The following FOXN3 variants were observed in gnomAD, a reference collection of about 807,000 sequenced individuals.
FOXN3 encodes the protein forkhead box protein N3.
A neutral mutation model predicts 38.4 loss-of-function variants in FOXN3; 7 were observed. The observed-to-expected ratio is 0.18, with a 90% confidence interval of 0.10 to 0.34. FOXN3 has a LOEUF of 0.34. FOXN3 is among the 10% of genes least tolerant of loss of function. The pLI is 1.00. For synonymous variants in FOXN3, 230 were observed against 242.2 expected (o/e 0.95, Z 0.47); for missense variants, 456 against 613.4 (o/e 0.74, Z 2.71).
chr14:89,592,636 C>T (rs546751749), intron 1 of FOXN3, among the ~76,000 whole-genome samples: 18 of 152,266 alleles, frequency 1.2e-4, no homozygotes, highest in African/African-American at 4.1e-4. Context: ...ATATACCTAA[C>T]CAAACGACTG....
intron 1 of FOXN3, among the ~76,000 whole-genome samples, chr14:89,594,964 C>G (rs1324197883): frequency 6.6e-6 from 1 of 152,060 alleles, no homozygotes; most frequent in East Asian, 1.9e-4. Context: ...CCTCAGGATT[C>G]TGATTGGGAT....
chr14:89,250,527 A>C lies in FOXN3; in HGVS notation c.745+30423T>G, dbSNP rs144575484. 1.4e-4 allele frequency among the ~76,000 whole-genome samples: 22 copies of C among 152,380 alleles called. No homozygotes were observed. In the East Asian group the frequency reaches 4.2e-3, roughly 29 times the overall value. ...GCAAAAACACCTGTTGGTTATAAAGAAAAGCAGCCTTTGATGTCTCCCAGA... is the reference window on the plus strand; with the variant it reads ...GCAAAAACACCTGTTGGTTATAAAGCAAAGCAGCCTTTGATGTCTCCCAGA... On this transcript the variant is annotated intron_variant, in intron 4 of 5. Transcript: ENST00000557258.
chr14:89,294,528 C>A (rs1886978211), intron 3 of FOXN3, among the ~76,000 whole-genome samples: 1 of 152,112 alleles, frequency 6.6e-6, no homozygotes, highest in Non-Finnish European at 1.5e-5. Context: ...GGCTGCCTAC[C>A]CAGATGGTGA....
At chr14:89,396,832 CAAA>C (rs11307508) in intron 2 of FOXN3, among the ~76,000 whole-genome samples, 1 of 96,938 alleles carries the variant, frequency 1.0e-5, no homozygotes. Context: ...AACTCCATCT[CAAA>C]AAAAAAAAAA....
intron 4 of FOXN3, among the ~76,000 whole-genome samples, chr14:89,212,829 G>A (rs1034330124): frequency 6.6e-6 from 1 of 152,182 alleles, no homozygotes. Flanking sequence ...TTTGCCTCCA[G>A]GAGGGCTCTG....
chr14:89,258,491 T>C (rs1306219411), intron 4 of FOXN3, among the ~76,000 whole-genome samples: 5 of 152,194 alleles, frequency 3.3e-5, no homozygotes, highest in Non-Finnish European at 7.3e-5. Context: ...TGCAGGTATG[T>C]GCCAAGCTCC....
At chr14:89,218,425 C>A (rs1351247273) in intron 4 of FOXN3, among the ~76,000 whole-genome samples, 4 of 152,210 alleles carry the variant, frequency 2.6e-5, no homozygotes, top group African/African-American at 9.7e-5. Context: ...AACCTTACAA[C>A]CTTGGTGTGC....
rs142236162 is a variant in FOXN3, at chr14:89,581,436, C to G, written c.-15+37592G>C. ...GGCAGAGGTTGCAGTGAGCCAAGAT[C>G]GTGCCATTGCAGTCTAGCTTGGGCG... On this transcript the variant is annotated intron_variant, in intron 1 of 6. Transcript: ENST00000345097. Among the ~76,000 whole-genome samples, 719 of 151,190 alleles carry G rather than the reference C, an allele frequency of 4.8e-3. 7 individuals are homozygous for G. Among genetic ancestry groups the G allele is most frequent in the African/African-American group, 0.017 (699 of 41,228 alleles).
intron 1 of FOXN3, among the ~76,000 whole-genome samples, chr14:89,609,036 T>C (rs1176381875): frequency 1.1e-4 from 16 of 152,062 alleles, no homozygotes; most frequent in Non-Finnish European, 5.9e-5. Context: ...GAACAAGATG[T>C]ACAAAGGCTG....
chr14:89,462,771 G>T (rs1465034276), intron 1 of FOXN3, among the ~76,000 whole-genome samples: 1 of 150,652 alleles, frequency 6.6e-6, no homozygotes, highest in South Asian at 2.1e-4. Flanking sequence ...TGCAACCTCT[G>T]CCTCCTGGGT....
At chr14:89,247,883 T>C (rs1885342268) in intron 4 of FOXN3, among the ~76,000 whole-genome samples, 1 of 152,226 alleles carries the variant, frequency 6.6e-6, no homozygotes, top group African/African-American at 2.4e-5. Flanking sequence ...CTACCACTGT[T>C]TGTCTTGCTC....
At chr14:89,309,417 C>A (rs2139957018) in intron 3 of FOXN3, among the ~76,000 whole-genome samples, 1 of 152,266 alleles carries the variant, frequency 6.6e-6, no homozygotes, top group South Asian at 2.1e-4. Context: ...ACCGCTGTTT[C>A]CATGACACGG....
chr14:89,306,267 A>G (rs934260766), intron 3 of FOXN3, among the ~76,000 whole-genome samples: 6 of 151,834 alleles, frequency 4.0e-5, no homozygotes, highest in Non-Finnish European at 8.8e-5. Flanking sequence ...CTTCATCCCC[A>G]AGAGGGGAGC....
chr14:89,388,019 C>T (rs1309609487), intron 2 of FOXN3, among the ~76,000 whole-genome samples: 1 of 152,218 alleles, frequency 6.6e-6, no homozygotes, highest in Non-Finnish European at 1.5e-5. Flanking sequence ...TCTGTCTCTA[C>T]TAAAAATACA....
At chr14:89,472,662 A>G (rs1276696336) in intron 1 of FOXN3, among the ~76,000 whole-genome samples, 2 of 143,798 alleles carry the variant, frequency 1.4e-5, no homozygotes, top group Non-Finnish European at 3.0e-5. Flanking sequence ...TGGAGCTTGC[A>G]GTGAGCCGAG....
At chr14:89,444,378 G>A (rs1892452049) in intron 1 of FOXN3, among the ~76,000 whole-genome samples, 1 of 151,398 alleles carries the variant, frequency 6.6e-6, no homozygotes, top group African/African-American at 2.4e-5. Flanking sequence ...GTTAATCACT[G>A]CTAAATAAGC....
intron 4 of FOXN3, among the ~76,000 whole-genome samples, chr14:89,181,640 C>G (rs1017839836): frequency 1.3e-5 from 2 of 152,154 alleles, no homozygotes; most frequent in African/African-American, 4.8e-5. Flanking sequence ...CTTTCACCAG[C>G]AACCATCAGA....
chr14:89,572,362 A>G (rs1337142703), intron 1 of FOXN3, among the ~76,000 whole-genome samples: 3 of 152,242 alleles, frequency 2.0e-5, no homozygotes, highest in Admixed American at 1.3e-4. Flanking sequence ...TGTGTTTGGG[A>G]AAATGAAGTC....
chr14:89,398,892 G>A (rs1035351223), intron 2 of FOXN3, among the ~76,000 whole-genome samples: 1 of 152,222 alleles, frequency 6.6e-6, no homozygotes, highest in African/African-American at 2.4e-5. Flanking sequence ...GGCTAAGCAG[G>A]AGAATCGCTT....
Sources: gnomAD v4.1 joint callset for allele counts (sites outside exome capture counted in the v4.1 genomes callset) on GRCh38, gnomAD v4.1.1 for gene constraint, MANE v1.5 for transcripts, NCBI Gene and HGNC (gene_info 2026-07-23, HGNC 2026-07-21) for gene names.